IL3RA: variants seen among roughly 807,000 people sequenced by gnomAD.
IL3RA encodes the protein interleukin 3 receptor subunit alpha.
Under a neutral mutation model 52.3 loss-of-function variants are expected in IL3RA, and 73 were observed. That is an observed-to-expected ratio of 1.40 (90% CI 1.16 to 1.70). The LOEUF (loss-of-function observed/expected upper bound fraction) is 1.70. Ranked by LOEUF, IL3RA falls within the 40% of genes most tolerant of loss-of-function variation. The pLI, the probability that IL3RA is intolerant of heterozygous loss-of-function variation, is 0.00. For synonymous variants in IL3RA, 260 were observed against 194.0 expected (o/e 1.34, Z -2.83); for missense variants, 664 against 504.4 (o/e 1.32, Z -3.03).
At chrX:1,377,381 C>T (rs2088839737) in intron 9 of IL3RA, among the ~76,000 whole-genome samples, 1 of 151,902 alleles carries the variant, frequency 6.6e-6, no homozygotes, top group Non-Finnish European at 1.5e-5. Flanking sequence ...GCTGGGATGA[C>T]AGGCGCCCGC....
At chrX:1,357,529 T>A (rs1488657060) in intron 7 of IL3RA, among the ~76,000 whole-genome samples, 1 of 151,270 alleles carries the variant, frequency 6.6e-6, no homozygotes, top group Non-Finnish European at 1.5e-5. Context: ...CTGGCTAATT[T>A]TTTTTTGTAT....
chrX:1,344,072 G>A (rs2085618677), intron 2 of IL3RA, among the ~76,000 whole-genome samples: 1 of 152,020 alleles, frequency 6.6e-6, no homozygotes, highest in Non-Finnish European at 1.5e-5. Context: ...GGGATGACGG[G>A]CGTGAGCCAC....
intron 10 of IL3RA, among the ~76,000 whole-genome samples, chrX:1,379,208 T>G (rs774216332): frequency 1.3e-5 from 2 of 151,440 alleles, no homozygotes; most frequent in East Asian, 1.9e-4. Flanking sequence ...CAGGCTGGAG[T>G]GCAGTGGCTC....
intron 8 of IL3RA, among the ~76,000 whole-genome samples, chrX:1,360,042 TC>T (rs2087086855): frequency 7.3e-6 from 1 of 136,966 alleles, no homozygotes; most frequent in Admixed American, 7.1e-5. Context: ...TCTCTCTCTC[TC>T]TGTCTGTCTC....
intron 10 of IL3RA, among the ~76,000 whole-genome samples, chrX:1,380,100 A>G (rs5989746): frequency 0.64 from 95,306 of 148,394 alleles, 31,018 homozygotes; most frequent in African/African-American, 0.79. Context: ...CTCCGTGTTG[A>G]TCAGGCTGGT....
At chrX:1,343,444 C>A (rs1458648771) in intron 2 of IL3RA, among the ~76,000 whole-genome samples, 1 of 151,734 alleles carries the variant, frequency 6.6e-6, no homozygotes, top group Non-Finnish European at 1.5e-5. Flanking sequence ...GCGGGTGGAT[C>A]ACTTGAGGTC....
In IL3RA at chrX:1,381,079, G is replaced by A; in HGVS notation, c.1037G>A (p.Gly346Asp). ...ATCCCTCACATGAAAGACCCCATCG[G>A]TGACAGCTTCCAAAACGACAAGCTG... Reference protein sequence around the residue: ...PRIPHMKDPIGDSFQNDKLVV... With the variant: ...PRIPHMKDPIDDSFQNDKLVV... Residue 346 changes from glycine to aspartate, a missense_variant, in exon 11 of 12, where the codon GGT (glycine) becomes GAT (aspartate). Coordinates refer to ENST00000331035, the MANE Select transcript of IL3RA (RefSeq NM_002183.4). The A allele has an allele frequency of 1.2e-6, 2 of 1,613,868 alleles. No individual in the cohort carries two copies. Among genetic ancestry groups the A allele is most frequent in the South Asian group, 1.1e-5 (1 of 91,058 alleles).
chrX:1,359,925 A>G (rs1189204621), intron 8 of IL3RA, among the ~76,000 whole-genome samples: 1 of 101,282 alleles, frequency 9.9e-6, no homozygotes, highest in African/African-American at 4.1e-5. Flanking sequence ...CCCTGTGTCT[A>G]TCTCCCACTG....
In IL3RA at chrX:1,363,021, C is replaced by T. The variant is rs762598335; in HGVS notation, c.760-2117C>T. 3.3e-5 allele frequency among the ~76,000 whole-genome samples: 5 copies of T among 152,150 alleles called. No individual in the cohort carries two copies. In the South Asian group the frequency reaches 1.0e-3, roughly 32 times the overall value. On this transcript the variant is annotated intron_variant, in intron 8 of 11. Coordinates refer to ENST00000331035, the MANE Select transcript of IL3RA (RefSeq NM_002183.4). ...GAACTCCTGACCTCAGGTGATCTAC[C>T]CACCTCAGCCTCCCAAAGTGCTGGG...
chrX:1,348,030 C>CTG (rs2085840179), intron 3 of IL3RA, among the ~76,000 whole-genome samples: 1 of 99,478 alleles, frequency 1.0e-5, no homozygotes, highest in African/African-American at 3.8e-5. Context: ...GAGCGAGACT[C>CTG]CCTCTCAAAA....
chrX:1,349,553 C>G (rs1199463449), intron 4 of IL3RA, among the ~76,000 whole-genome samples: 1 of 152,104 alleles, frequency 6.6e-6, no homozygotes, highest in African/African-American at 2.4e-5. Context: ...CTCAAGTGAT[C>G]CTCCCGCCTC....
At chrX:1,360,688 T>C (rs1263280207) in intron 8 of IL3RA, among the ~76,000 whole-genome samples, 1 of 108,558 alleles carries the variant, frequency 9.2e-6, no homozygotes, top group Non-Finnish European at 1.6e-5. Context: ...CCAACTAACT[T>C]TTTTTTTTTT....
chrX:1,355,206 GA>G (rs2086588150), intron 6 of IL3RA, among the ~76,000 whole-genome samples: 1 of 10,944 alleles, frequency 9.1e-5, no homozygotes, highest in African/African-American at 5.1e-4. Flanking sequence ...GGAGGGGGAG[GA>G]GGGTGGAGGG....
chrX:1,343,858 C>T (rs7876265), intron 2 of IL3RA, among the ~76,000 whole-genome samples: 75 of 147,430 alleles, frequency 5.1e-4, no homozygotes, highest in Admixed American at 1.6e-3. Context: ...TGCAGTGGCA[C>T]GATCTCAGCT....
At chrX:1,380,239 G>C (rs1189269441) in intron 10 of IL3RA, among the ~76,000 whole-genome samples, 4 of 149,388 alleles carry the variant, frequency 2.7e-5, no homozygotes, top group Non-Finnish European at 5.9e-5. Flanking sequence ...TGTTGGTCAG[G>C]CTGTTCTCGA....
intron 3 of IL3RA, among the ~76,000 whole-genome samples, chrX:1,347,221 G>A (rs1384814478): frequency 6.6e-6 from 1 of 150,764 alleles, no homozygotes; most frequent in Non-Finnish European, 1.5e-5. Flanking sequence ...CGAGGCGGGT[G>A]GATCACGAGG....
rs187374923 is a variant in IL3RA at position 1,382,646 on chromosome X, G to C, written c.*181G>C. On this transcript the variant is annotated 3_prime_UTR_variant, in exon 12 of 12. Transcript: ENST00000331035. ...CTGCCAGGAAGAAGAACAGAACTTT[G>C]TGTGTTTATTTCATGATAAAGTGAT... 1.6e-6 allele frequency: 1 copy of C among 632,660 alleles called. No individual in the cohort carries two copies. The highest frequency in any genetic ancestry group is 2.9e-6 in the Non-Finnish European group (1 of 348,352). 39.2% of individuals were successfully genotyped at this position (632,660 alleles called of 1,614,324 possible). A position where few individuals can be genotyped will look rare whatever the true frequency, so the allele number is the denominator to read the frequency against.
At chrX:1,378,637 C>A (rs17886356) in intron 9 of IL3RA, 22 bp from the exon 10 acceptor site, 10 of 1,604,686 alleles carry the variant, frequency 6.2e-6, no homozygotes, top group Non-Finnish European at 7.7e-6. Context: ...CGGTCTGTGA[C>A]CCTCTCACCC....
Position 1,381,104 on chromosome X carries a change from G to A in IL3RA, c.1062G>A (p.Leu354=), listed in dbSNP as rs1234886434. Residue 354 remains leucine, a splice_region_variant and synonymous_variant, in exon 11 of 12, where the codon CTG becomes CTA. Transcript: ENST00000331035. ...GTGACAGCTTCCAAAACGACAAGCT[G>A]GTATGTTGTTTTTTCTGCCTTGGGA... ...PIGDSFQNDK[L]VVWEAGKAGL... The A allele has an allele frequency of 7.4e-6, 12 of 1,613,772 alleles. No individual in the cohort carries two copies. Among genetic ancestry groups the A allele is most frequent in the Admixed American group, 1.7e-5 (1 of 59,996 alleles).
Sources: gnomAD v4.1 joint callset for allele counts (sites outside exome capture counted in the v4.1 genomes callset) on GRCh38, gnomAD v4.1.1 for gene constraint, MANE v1.5 for transcripts, NCBI Gene and HGNC (gene_info 2026-07-23, HGNC 2026-07-21) for gene names.